The following TMEM132D variants were observed in gnomAD, a reference collection of about 807,000 sequenced individuals.
TMEM132D encodes transmembrane protein 132D.
In TMEM132D, 21 loss-of-function variants were observed where a neutral mutation model predicts 62.3. The ratio of observed to expected loss-of-function variants is 0.34; its 90% CI spans 0.24 to 0.49. The LOEUF (loss-of-function observed/expected upper bound fraction) is 0.49, where lower values mean the gene tolerates loss of function less well. TMEM132D is among the 20% of genes least tolerant of loss of function. The pLI, the probability that TMEM132D is intolerant of heterozygous loss-of-function variation, is 0.99. For synonymous variants in TMEM132D, 621 were observed against 575.6 expected (o/e 1.08, Z -1.13); for missense variants, 1,346 against 1,402.8 (o/e 0.96, Z 0.65).
At chr12:129,210,274 A>T (rs1393620787) in intron 4 of TMEM132D, 1 of 152,494 alleles carries the variant, frequency 6.6e-6, no homozygotes, top group East Asian at 1.9e-4. Flanking sequence ...GAGGTATGTG[A>T]GGGAGACAAA....
rs184084861 is a variant in TMEM132D at position 129,799,606 on chromosome 12, C to T, written c.80-98908G>A. On this transcript the variant is annotated intron_variant, in intron 1 of 8. Coordinates refer to ENST00000422113, the MANE Select transcript of TMEM132D (RefSeq NM_133448.3). ...CACAGATGGTGTTTTGTGTCAGCTG[C>T]CCTGGGTCACCCAGTTGGCCCGTCG... is the stretch of plus-strand genomic sequence containing the variant. Among the ~76,000 whole-genome samples, 4 of 152,182 alleles carry T rather than the reference C, an allele frequency of 2.6e-5. No individual in the cohort carries two copies. In the East Asian group the frequency reaches 7.8e-4, roughly 30 times the overall value.
At chr12:129,395,729 G>A (rs1017935406) in intron 3 of TMEM132D, among the ~76,000 whole-genome samples, 12 of 93,612 alleles carry the variant, frequency 1.3e-4, no homozygotes, top group African/African-American at 4.6e-4. Context: ...CTACATACAT[G>A]TACATAGATA....
intron 5 of TMEM132D, among the ~76,000 whole-genome samples, chr12:129,091,081 T>G (rs1874895376): frequency 1.3e-5 from 2 of 152,236 alleles, no homozygotes; most frequent in South Asian, 4.1e-4. Flanking sequence ...TAGGCAAATA[T>G]AGAATGTCAT....
At chr12:129,553,152 G>C (rs7960846) in intron 2 of TMEM132D, among the ~76,000 whole-genome samples, 133,835 of 151,984 alleles carry the variant, frequency 0.88, 58,975 homozygotes, top group East Asian at 0.99. Flanking sequence ...GCTCCCAGCT[G>C]TGTCTGAGTC....
intron 4 of TMEM132D, among the ~76,000 whole-genome samples, chr12:129,288,923 T>C (rs897664172): frequency 1.3e-5 from 2 of 152,192 alleles, no homozygotes; most frequent in African/African-American, 4.8e-5. Context: ...TTCTGCAACA[T>C]GTGACAACGT....
At position 129,337,715 on chromosome 12, in the gene TMEM132D, G is replaced by C. The variant is rs762791812; in HGVS notation, c.1218C>G (p.Pro406=). The part of the protein sequence containing the change: ...TQLVTWQVEY[P]GEITSDLGVS... ...CTCCCAAGTCAGACGTGATCTCTCC[G>C]GGGTACTCGACCTGCCACGTGACCA... Residue 406 remains proline, a synonymous_variant, in exon 4 of 9, where the codon CCC becomes CCG. Coordinates refer to ENST00000422113, the MANE Select transcript of TMEM132D (RefSeq NM_133448.3). 9.9e-6 allele frequency: 16 copies of C among 1,614,200 alleles called. No individual in the cohort carries two copies. The highest frequency in any genetic ancestry group is 1.4e-5 in the Non-Finnish European group (16 of 1,180,040).
At chr12:129,233,628 T>C (rs1010660805) in intron 4 of TMEM132D, among the ~76,000 whole-genome samples, 1 of 152,050 alleles carries the variant, frequency 6.6e-6, no homozygotes, top group Non-Finnish European at 1.5e-5. Context: ...TAAATTTTAT[T>C]TATTTATTTA....
At chr12:129,156,394 C>T (rs2135538589) in intron 5 of TMEM132D, among the ~76,000 whole-genome samples, 1 of 152,262 alleles carries the variant, frequency 6.6e-6, no homozygotes, top group Middle Eastern at 3.4e-3. Flanking sequence ...AACCTACTCC[C>T]AAGATAACCA....
chr12:129,587,836 C>T (rs1878072898), intron 2 of TMEM132D, among the ~76,000 whole-genome samples: 2 of 152,164 alleles, frequency 1.3e-5, no homozygotes, highest in African/African-American at 4.8e-5. Context: ...ATATTATTCT[C>T]CTATTGATGA....
chr12:129,761,265 C>G (rs1182465013), intron 1 of TMEM132D, among the ~76,000 whole-genome samples: 2 of 152,158 alleles, frequency 1.3e-5, no homozygotes, highest in African/African-American at 4.8e-5. Context: ...AGGATGGACT[C>G]TAGGGCTGGA....
rs893743379 is a variant in TMEM132D, at chr12:129,548,720, G to A, written c.969-17515C>T. The stretch of plus-strand genomic sequence containing the variant: ...TGACCTCACCTAACATCAAGGGGGG[G>A]TGAGGAAGTCAATCCTACCACCCCC... On this transcript the variant is annotated intron_variant, in intron 2 of 8. Transcript: ENST00000422113. Among the ~76,000 whole-genome samples, 8 of 148,872 alleles carry A rather than the reference G, an allele frequency of 5.4e-5. No individual in the cohort carries two copies. The East Asian group carries it at 1.6e-3, about 30-fold the overall frequency.
intron 2 of TMEM132D, among the ~76,000 whole-genome samples, chr12:129,644,611 A>C (rs74554545): frequency 1.0e-3 from 154 of 152,230 alleles, no homozygotes; most frequent in African/African-American, 3.5e-3. Flanking sequence ...ATAAGAGAGT[A>C]CTATATGTAA....
intron 4 of TMEM132D, among the ~76,000 whole-genome samples, chr12:129,241,150 C>CAAAAAAAAAAAAAACAAAAAA (rs1879927187): frequency 1.0e-5 from 1 of 95,646 alleles, no homozygotes; most frequent in Non-Finnish European, 2.2e-5. Flanking sequence ...CCTCTTACCT[C>CAAAAAAAAAAAAAACAAAAAA]AAAAAAAAAA....
chr12:129,445,372 C>T (rs1192939525), intron 3 of TMEM132D, among the ~76,000 whole-genome samples: 1 of 152,038 alleles, frequency 6.6e-6, no homozygotes, highest in African/African-American at 2.4e-5. Flanking sequence ...AGGCTTAATA[C>T]CCGAGTGACT....
chr12:129,842,026 T>G (rs1174806842), intron 1 of TMEM132D, among the ~76,000 whole-genome samples: 18 of 149,968 alleles, frequency 1.2e-4, no homozygotes, highest in African/African-American at 4.1e-4. Flanking sequence ...TGCCTCCTGG[T>G]TTCACGCCAT....
intron 2 of TMEM132D, among the ~76,000 whole-genome samples, chr12:129,634,239 G>A (rs551755883): frequency 1.8e-4 from 27 of 152,142 alleles, no homozygotes; most frequent in Non-Finnish European, 3.4e-4. Flanking sequence ...TTTGGAGGCC[G>A]AGACAGAAGG....
chr12:129,731,025 A>G (rs904444926), intron 1 of TMEM132D, among the ~76,000 whole-genome samples: 1 of 152,082 alleles, frequency 6.6e-6, no homozygotes, highest in Non-Finnish European at 1.5e-5. Flanking sequence ...CGCTTTATAT[A>G]TACATCTATC....
intron 3 of TMEM132D, among the ~76,000 whole-genome samples, chr12:129,373,920 C>T (rs568789419): frequency 1.2e-4 from 18 of 152,252 alleles, no homozygotes; most frequent in African/African-American, 4.1e-4. Flanking sequence ...AGAAAAGCTA[C>T]GTGGTGCTTA....
At chr12:129,445,026 CA>C (rs1366371536) in intron 3 of TMEM132D, among the ~76,000 whole-genome samples, 1 of 152,180 alleles carries the variant, frequency 6.6e-6, no homozygotes, top group Non-Finnish European at 1.5e-5. Context: ...ATGACTCATG[CA>C]CATGAATGTT....
Sources: allele counts gnomAD v4.1 joint callset (sites outside exome capture counted in the v4.1 genomes callset), GRCh38; gene constraint gnomAD v4.1.1; transcripts MANE v1.5; gene names NCBI Gene and HGNC (gene_info 2026-07-23, HGNC 2026-07-21).